SLC60A1: variants seen among roughly 807,000 people sequenced by gnomAD.
SLC60A1 encodes the protein major facilitator superfamily domain containing 4.
At chr1:205,569,163 A>C in the SLC60A1 span, 143 of 1,541,576 alleles carry the variant, frequency 9.3e-5, no homozygotes, top group Non-Finnish European at 1.1e-4. Context: ...CGGCCTGTGC[A>C]TCGCCTTCCT....
chr1:205,601,013 A>G, the SLC60A1 span: 1 of 152,362 alleles, frequency 6.6e-6, no homozygotes, highest in African/African-American at 2.4e-5. Context: ...GAAAAGTTGA[A>G]TCTTGCTCTC....
chr1:205,571,731 T>C, the SLC60A1 span, among the ~76,000 whole-genome samples: 1 of 152,182 alleles, frequency 6.6e-6, no homozygotes, highest in African/African-American at 2.4e-5. Flanking sequence ...CCACCAGCCC[T>C]GCAACAAAGC....
At chr1:205,597,373 G>GTTTTTTGTTTTTTTTTTTTTTTTTTT in the SLC60A1 span, among the ~76,000 whole-genome samples, 1 of 37,228 alleles carries the variant, frequency 2.7e-5, no homozygotes, top group African/African-American at 6.6e-5. Flanking sequence ...AACCTAGGTT[G>GTTTTTTGTTTTTTTTTTTTTTTTTTT]TTTTTTTTTT....
At chr1:205,591,491 A>C in the SLC60A1 span, among the ~76,000 whole-genome samples, 1 of 133,764 alleles carries the variant, frequency 7.5e-6, no homozygotes. Context: ...CTCAAAAAAA[A>C]AAAAAAAAAA....
the SLC60A1 span, chr1:205,585,051 T>G: frequency 7.1e-7 from 1 of 1,410,116 alleles, no homozygotes; most frequent in Admixed American, 1.7e-5. This position sits in a 1 kb window ranked among gnomAD's most constrained non-coding sequence, Gnocchi z 4.2. Flanking sequence ...GACTCCAGTC[T>G]GGGAAAGGCA....
chr1:205,569,125 T>A, the SLC60A1 span: 1 of 1,529,952 alleles, frequency 6.5e-7, no homozygotes, highest in Non-Finnish European at 8.8e-7. Flanking sequence ...CAGCCCACGC[T>A]CACCTACTGG....
the SLC60A1 span, among the ~76,000 whole-genome samples, chr1:205,576,381 A>G: frequency 6.6e-6 from 1 of 152,164 alleles, no homozygotes; most frequent in African/African-American, 2.4e-5. Flanking sequence ...GGAGGATGAA[A>G]TGTCACATCA....
the SLC60A1 span, among the ~76,000 whole-genome samples, chr1:205,583,718 C>G: frequency 6.6e-6 from 1 of 152,246 alleles, no homozygotes; most frequent in African/African-American, 2.4e-5. Context: ...CGACAAATAT[C>G]TGTCTTTTCA....
chr1:205,588,411 A>G, the SLC60A1 span, among the ~76,000 whole-genome samples: 1 of 138,612 alleles, frequency 7.2e-6, no homozygotes, highest in Non-Finnish European at 1.5e-5. Flanking sequence ...CAGAGGTTGC[A>G]GTGAGCTGAA....
At chr1:205,590,992 G>A in the SLC60A1 span, among the ~76,000 whole-genome samples, 2 of 152,164 alleles carry the variant, frequency 1.3e-5, no homozygotes, top group Non-Finnish European at 2.9e-5. Context: ...AGCTACTTCT[G>A]GGTTCCACAG....
the SLC60A1 span, among the ~76,000 whole-genome samples, chr1:205,579,279 C>T: frequency 6.6e-6 from 1 of 152,080 alleles, no homozygotes; most frequent in Non-Finnish European, 1.5e-5. Flanking sequence ...GTGGGGAGGA[C>T]ACAGGGCAGC....
chr1:205,578,359 C>T, the SLC60A1 span, among the ~76,000 whole-genome samples: 2 of 152,082 alleles, frequency 1.3e-5, no homozygotes, highest in African/African-American at 4.8e-5. Flanking sequence ...TTTTATCAGC[C>T]CACGGTGTGT....
At chr1:205,602,740 G>A in the SLC60A1 span, 2 of 152,094 alleles carry the variant, frequency 1.3e-5, no homozygotes, top group African/African-American at 2.4e-5. Context: ...ACTGACCTGG[G>A]CAATGAAAAA....
chr1:205,600,620 T>C, the SLC60A1 span: 1 of 635,398 alleles, frequency 1.6e-6, no homozygotes, highest in Non-Finnish European at 2.8e-6. Context: ...AATTGAGTCC[T>C]GGTACCTGGT....
the SLC60A1 span, chr1:205,602,266 T>C: frequency 2.0e-5 from 3 of 152,656 alleles, no homozygotes; most frequent in Non-Finnish European, 4.4e-5. Flanking sequence ...TAAAAGGTTC[T>C]TCCTGGTCCA....
chr1:205,595,377 C>T, the SLC60A1 span, among the ~76,000 whole-genome samples: 3 of 152,198 alleles, frequency 2.0e-5, no homozygotes, highest in Non-Finnish European at 2.9e-5. Context: ...CCTGCTCTTC[C>T]TTCCAGACCT....
chr1:205,571,506 A>G, the SLC60A1 span, among the ~76,000 whole-genome samples: 4 of 152,106 alleles, frequency 2.6e-5, no homozygotes, highest in African/African-American at 9.7e-5. Context: ...GGTAGATCCT[A>G]TCAGTGGTTG....
At chr1:205,586,919 ACTCCTGAC>A in the SLC60A1 span, among the ~76,000 whole-genome samples, 1 of 151,374 alleles carries the variant, frequency 6.6e-6, no homozygotes, top group East Asian at 1.9e-4. Context: ...CTGGTCTTGA[ACTCCTGAC>A]CTCTTAATGA....
the SLC60A1 span, chr1:205,585,055 A>C: frequency 7.3e-7 from 1 of 1,369,716 alleles, no homozygotes; most frequent in Non-Finnish European, 1.0e-6. This position sits in a 1 kb window ranked among gnomAD's most constrained non-coding sequence, Gnocchi z 4.2. Flanking sequence ...CCAGTCTGGG[A>C]AAGGCAAGAG....
Sources: gnomAD v4.1 joint callset for allele counts (sites outside exome capture counted in the v4.1 genomes callset) on GRCh38, gnomAD v4.1.1 for gene constraint, Gnocchi (gnomAD v3.1) non-coding constraint, MANE v1.5 for transcripts, NCBI Gene and HGNC (gene_info 2026-07-23, HGNC 2026-07-21) for gene names.